CYRIA: variants seen among roughly 807,000 people sequenced by gnomAD.
CYRIA encodes the protein CYFIP-related Rac1 interactor A.
In CYRIA, 15 loss-of-function variants were observed where a neutral mutation model predicts 43.9. The ratio of observed to expected loss-of-function variants is 0.34; its 90% CI spans 0.23 to 0.53. CYRIA has a LOEUF of 0.53. CYRIA is among the 20% of genes least tolerant of loss of function. The pLI, the probability that CYRIA is intolerant of heterozygous loss-of-function variation, is 0.94. For synonymous variants in CYRIA, 117 were observed against 136.0 expected, an observed-to-expected ratio of 0.86 and a Z score of 0.97; for missense variants, 236 against 394.2, an observed-to-expected ratio of 0.60 and a Z score of 3.40.
At chr2:16,588,025 CATT>C (rs1667796454) in intron 3 of CYRIA, 22 bp downstream of exon 3, 1 of 1,468,688 alleles carries the variant, frequency 6.8e-7, no homozygotes, top group African/African-American at 1.4e-5. Context: ...AAAAAGTTTC[CATT>C]ATTATAATTT....
At chr2:16,625,296 T>A (rs1355681371) in intron 1 of CYRIA, among the ~76,000 whole-genome samples, 1 of 150,426 alleles carries the variant, frequency 6.6e-6, no homozygotes, top group Non-Finnish European at 1.5e-5. Context: ...AGAGGGCACC[T>A]CAGGAAGTCA....
intron 9 of CYRIA, 24 bp downstream of exon 9, chr2:16,560,966 G>A (rs552588928): frequency 1.7e-5 from 27 of 1,604,516 alleles, no homozygotes; most frequent in Admixed American, 1.0e-4. Flanking sequence ...TCTCAACCAC[G>A]AATACATCTC....
At chr2:16,586,915 A>G (rs1349382200) in intron 3 of CYRIA, among the ~76,000 whole-genome samples, 1 of 152,156 alleles carries the variant, frequency 6.6e-6, no homozygotes, top group African/African-American at 2.4e-5. Flanking sequence ...AGGGGTGAAC[A>G]TGAGAGTTAA....
At chr2:16,635,728 C>T (rs917683220) in intron 1 of CYRIA, among the ~76,000 whole-genome samples, 5 of 152,064 alleles carry the variant, frequency 3.3e-5, no homozygotes, top group Non-Finnish European at 7.4e-5. Flanking sequence ...TCCAGAGCCG[C>T]GATGGTCAGA....
At chr2:16,629,301 T>A (rs754686844) in intron 1 of CYRIA, among the ~76,000 whole-genome samples, 2 of 152,194 alleles carry the variant, frequency 1.3e-5, no homozygotes, top group African/African-American at 4.8e-5. Flanking sequence ...CCTTTTCCCC[T>A]GACTGGGCCT....
At chr2:16,564,986 G>T (rs1191960034) in intron 4 of CYRIA, among the ~76,000 whole-genome samples, 1 of 152,054 alleles carries the variant, frequency 6.6e-6, no homozygotes, top group Non-Finnish European at 1.5e-5. Context: ...AGACTTCATG[G>T]TTCATATTTC....
intron 3 of CYRIA, among the ~76,000 whole-genome samples, chr2:16,570,040 A>C (rs1031901843): frequency 4.6e-5 from 7 of 152,278 alleles, no homozygotes; most frequent in African/African-American, 1.7e-4. Flanking sequence ...GTGATGAATC[A>C]ATGAATACAC....
intron 2 of CYRIA, among the ~76,000 whole-genome samples, chr2:16,606,557 AAAAAC>A (rs1668405613): frequency 6.6e-6 from 1 of 152,184 alleles, no homozygotes; most frequent in Non-Finnish European, 1.5e-5. Flanking sequence ...AAAAAAAAAA[AAAAAC>A]AAAATGAAAA....
chr2:16,629,314 T>A (rs780657588), intron 1 of CYRIA, among the ~76,000 whole-genome samples: 4 of 152,072 alleles, frequency 2.6e-5, no homozygotes, highest in Admixed American at 1.3e-4. Context: ...CTGGGCCTAG[T>A]GGGGAAGGAG....
chr2:16,630,146 A>C (rs545905950), intron 1 of CYRIA, among the ~76,000 whole-genome samples: 1 of 152,070 alleles, frequency 6.6e-6, no homozygotes, highest in African/African-American at 2.4e-5. Context: ...CCCTCGCCCC[A>C]CTCTTGCTGG....
intron 2 of CYRIA, among the ~76,000 whole-genome samples, chr2:16,617,871 T>C (rs1421093628): frequency 6.6e-6 from 1 of 152,180 alleles, no homozygotes; most frequent in Non-Finnish European, 1.5e-5. Flanking sequence ...CCCAATTCCC[T>C]CATAGTTACG....
chr2:16,635,439 A>G (rs1308005589), intron 1 of CYRIA, among the ~76,000 whole-genome samples: 1 of 152,222 alleles, frequency 6.6e-6, no homozygotes, highest in East Asian at 1.9e-4. Flanking sequence ...TGCAAGGATG[A>G]GGTAGATCTC....
chr2:16,566,199 G>C (rs1170979141), intron 3 of CYRIA, among the ~76,000 whole-genome samples: 1 of 151,930 alleles, frequency 6.6e-6, no homozygotes, highest in Non-Finnish European at 1.5e-5. Context: ...CACCATCTTA[G>C]CCACTTTTAA....
intron 2 of CYRIA, among the ~76,000 whole-genome samples, chr2:16,598,687 G>A (rs1231435214): frequency 1.1e-5 from 1 of 94,274 alleles, no homozygotes; most frequent in Non-Finnish European, 1.9e-5. Flanking sequence ...ATGTCCTCCC[G>A]TAGCTCAGAG....
rs558289012 is a variant in CYRIA, at chr2:16,645,102, G to A, written c.-167+20678C>T. ...GATGTTTCAGGGACAATCCATAGGC[G>A]AGCAGAAGTGATCCATGAGAATCAA... is the stretch of plus-strand genomic sequence containing the variant. On this transcript the variant is annotated intron_variant, in intron 1 of 11. Coordinates refer to ENST00000381323, the MANE Select transcript of CYRIA (RefSeq NM_030797.4). Among the ~76,000 whole-genome samples, 30 of 152,266 alleles carry A rather than the reference G, an allele frequency of 2.0e-4. No individual in the cohort carries two copies. In the South Asian group the frequency reaches 5.2e-3, roughly 26 times the overall value.
chr2:16,563,224 T>C (rs1021511130), intron 5 of CYRIA, among the ~76,000 whole-genome samples: 22 of 152,204 alleles, frequency 1.4e-4, no homozygotes, highest in African/African-American at 5.3e-4. Flanking sequence ...TACTCTCTTC[T>C]ATCTGAGAGT....
chr2:16,618,045 G>A (rs1293146851), intron 2 of CYRIA, among the ~76,000 whole-genome samples: 1 of 152,200 alleles, frequency 6.6e-6, no homozygotes, highest in East Asian at 1.9e-4. Flanking sequence ...AAGTGCCACA[G>A]AGGGGCAGCA....
Position 16,552,446 on chromosome 2 carries a change from T to C in CYRIA, c.*490A>G, listed in dbSNP as rs1314686933. On this transcript the variant is annotated 3_prime_UTR_variant, in exon 12 of 12. Coordinates refer to ENST00000381323, the MANE Select transcript of CYRIA (RefSeq NM_030797.4). ...CTGCAGTCTGAGGACAGAGAGGGGG[T>C]GTGCTGAATTCGAAACACTTGGGTT... The C allele has an allele frequency of 1.3e-5, 2 of 152,722 alleles. No individual in the cohort carries two copies. Among genetic ancestry groups the C allele is most frequent in the African/African-American group, 4.8e-5 (2 of 41,304 alleles). The allele number at this position is 152,722 out of a possible 1,614,324, so 9.5% of individuals were successfully genotyped here.
chr2:16,581,690 C>T (rs1016535298), intron 3 of CYRIA, among the ~76,000 whole-genome samples: 2 of 151,968 alleles, frequency 1.3e-5, no homozygotes, highest in African/African-American at 4.8e-5. Context: ...ACTCTATCAC[C>T]GAGGAATTCC....
Sources: allele counts gnomAD v4.1 joint callset (sites outside exome capture counted in the v4.1 genomes callset), GRCh38; gene constraint gnomAD v4.1.1; transcripts MANE v1.5; gene names NCBI Gene and HGNC (gene_info 2026-07-23, HGNC 2026-07-21).